The following LRRIQ3 variants were observed in gnomAD, a reference collection of about 807,000 sequenced individuals.
LRRIQ3 encodes the protein leucine rich repeats and IQ motif containing 3, also known as leucine-rich repeat and IQ domain-containing protein 3.
LRRIQ3 carries 75 observed loss-of-function variants against 59.3 expected under a neutral mutation model. That is an observed-to-expected ratio of 1.26 (90% CI 1.05 to 1.53). The LOEUF is 1.53. LRRIQ3 is among the 40% of genes most tolerant of loss of function. LRRIQ3 has a pLI of 0.00. For synonymous variants in LRRIQ3, 250 were observed against 231.3 expected (o/e 1.08, Z -0.73); for missense variants, 831 against 710.0 (o/e 1.17, Z -1.94).
chr1:74,046,775 A>G (rs764608506), intron 6 of LRRIQ3, among the ~76,000 whole-genome samples: 5 of 152,226 alleles, frequency 3.3e-5, no homozygotes, highest in Non-Finnish European at 7.3e-5. Context: ...CAAACCCATC[A>G]AAAAGTGGGC....
At chr1:74,169,680 T>C (rs1649203365) in intron 3 of LRRIQ3, among the ~76,000 whole-genome samples, 3 of 152,010 alleles carry the variant, frequency 2.0e-5, no homozygotes, top group African/African-American at 7.2e-5. Context: ...GCCTCCCAAA[T>C]AGCTGAGACT....
intron 1 of LRRIQ3, among the ~76,000 whole-genome samples, chr1:74,194,826 C>G (rs1036978298): frequency 2.6e-5 from 4 of 152,136 alleles, no homozygotes; most frequent in African/African-American, 7.2e-5. Flanking sequence ...GCCATTAATA[C>G]CTTTTTCTTA....
chr1:74,101,871 G>A (rs192925538), intron 5 of LRRIQ3, among the ~76,000 whole-genome samples: 80 of 152,108 alleles, frequency 5.3e-4, no homozygotes, highest in African/African-American at 1.8e-3. Flanking sequence ...AGAACACTTG[G>A]ACACAGGAAG....
intron 6 of LRRIQ3, among the ~76,000 whole-genome samples, chr1:74,062,656 T>C (rs1654753291): frequency 6.6e-6 from 1 of 152,038 alleles, no homozygotes. Flanking sequence ...CATGCAGCCA[T>C]GAAAAAGAAT....
At chr1:74,112,798 C>G (rs879036551) in intron 4 of LRRIQ3, among the ~76,000 whole-genome samples, 23 of 152,134 alleles carry the variant, frequency 1.5e-4, no homozygotes, top group South Asian at 1.2e-3. Context: ...AATAGTCCAG[C>G]CAAATTATTA....
At chr1:74,185,615 T>C (rs1230987098) in intron 1 of LRRIQ3, among the ~76,000 whole-genome samples, 1 of 152,176 alleles carries the variant, frequency 6.6e-6, no homozygotes, top group Non-Finnish European at 1.5e-5. Context: ...ATTTTCTTAA[T>C]TTTCATTTCA....
At chr1:74,031,791 A>G (rs1653727273) in intron 7 of LRRIQ3, among the ~76,000 whole-genome samples, 1 of 152,086 alleles carries the variant, frequency 6.6e-6, no homozygotes, top group Non-Finnish European at 1.5e-5. Flanking sequence ...GTCTTAGAGA[A>G]TGAGAAATAT....
chr1:74,168,893 T>C (rs1217755836), intron 3 of LRRIQ3, among the ~76,000 whole-genome samples: 1 of 152,148 alleles, frequency 6.6e-6, no homozygotes, highest in Non-Finnish European at 1.5e-5. Flanking sequence ...GGTTGTCTTG[T>C]GTCATTTTTA....
intron 3 of LRRIQ3, among the ~76,000 whole-genome samples, chr1:74,166,760 T>G (rs1448652289): frequency 1.3e-5 from 2 of 151,712 alleles, no homozygotes; most frequent in Non-Finnish European, 3.0e-5. Flanking sequence ...ATTTCTTTAT[T>G]TCTTTTACAC....
intron 5 of LRRIQ3, among the ~76,000 whole-genome samples, chr1:74,098,554 C>G (rs1312429379): frequency 6.6e-6 from 1 of 152,078 alleles, no homozygotes; most frequent in East Asian, 1.9e-4. Flanking sequence ...CCAAGCAGAC[C>G]TAATAGACAT....
chr1:74,169,617 T>C (rs1649200505), intron 3 of LRRIQ3, among the ~76,000 whole-genome samples: 2 of 152,170 alleles, frequency 1.3e-5, no homozygotes, highest in South Asian at 4.1e-4. Flanking sequence ...ACTGGCAAAA[T>C]TGTAGCTCAT....
chr1:74,170,092 A>C (rs992587654), intron 3 of LRRIQ3, among the ~76,000 whole-genome samples: 2 of 152,150 alleles, frequency 1.3e-5, no homozygotes, highest in Non-Finnish European at 2.9e-5. Context: ...TCATTAAATA[A>C]ATGATTTGCC....
At chr1:74,099,323 C>T (rs556695854) in intron 5 of LRRIQ3, among the ~76,000 whole-genome samples, 34 of 152,206 alleles carry the variant, frequency 2.2e-4, no homozygotes, top group African/African-American at 7.9e-4. Context: ...GGATAAATTC[C>T]TCGACCCATA....
chr1:74,126,734 TA>T (rs904431237), intron 4 of LRRIQ3, among the ~76,000 whole-genome samples: 3 of 151,938 alleles, frequency 2.0e-5, no homozygotes, highest in African/African-American at 7.2e-5. Flanking sequence ...TTTCAATTAT[TA>T]AAAAAATTTT....
chr1:74,054,908 AAAT>A, intron 6 of LRRIQ3, among the ~76,000 whole-genome samples: 1 of 147,604 alleles, frequency 6.8e-6, no homozygotes, highest in East Asian at 1.9e-4. Context: ...TTACAACTAT[AAAT>A]TATATAAAAT....
chr1:74,048,909 G>A lies in LRRIQ3; in HGVS notation c.998-6976C>T, dbSNP rs897956932. Among the ~76,000 whole-genome samples, 4 of 152,116 alleles carry A rather than the reference G, an allele frequency of 2.6e-5. No individual in the cohort carries two copies. In the South Asian group the frequency reaches 8.3e-4, roughly 31 times the overall value. ...CCCAGGGCTCATGAAACTTCTAGTG[G>A]AGAAGATGGATAACAAATTTATAAA... is the stretch of plus-strand genomic sequence containing the variant. On this transcript the variant is annotated intron_variant, in intron 6 of 7. Coordinates refer to ENST00000354431, the MANE Select transcript of LRRIQ3 (RefSeq NM_001105659.2).
At position 74,041,493 on chromosome 1, in the gene LRRIQ3, G is replaced by A; in HGVS notation, c.1438C>T (p.Gln480Ter). ...TGCCAAACTTGTCGTAAACTGTTCT[G>A]AATTGTCTCTTTATTTTCTTCAATT... is the stretch of plus-strand genomic sequence containing the variant. ...KLIEENKETI[Q>*]NSLRQVWQNR... The change falls in exon 7 of 8, where the codon CAG becomes TAG. Residue 480 changes from glutamine (Q) to a stop codon, truncating the protein, a stop_gained. Transcript: ENST00000354431. LOFTEE classifies it high-confidence loss of function. 3.1e-6 allele frequency: 5 copies of A among 1,612,128 alleles called. No individual in the cohort carries two copies. The highest frequency in any genetic ancestry group is 3.4e-6 in the Non-Finnish European group (4 of 1,179,532).
Position 74,160,587 on chromosome 1 carries a change from T to G in LRRIQ3, c.574-4721A>C, listed in dbSNP as rs530409035. ...ATCCTATTTATAAATATTACATGAA[T>G]GTCTACATTGTTTCTCATAACTTTA... On this transcript the variant is annotated intron_variant, in intron 3 of 7. Transcript: ENST00000354431. Among the ~76,000 whole-genome samples the G allele has an allele frequency of 4.6e-5, 7 of 152,202 alleles. No homozygotes were observed. The South Asian group carries it at 1.0e-3, about 23-fold the overall frequency.
At chr1:74,196,907 T>C (rs1032207243) in intron 1 of LRRIQ3, among the ~76,000 whole-genome samples, 1 of 152,180 alleles carries the variant, frequency 6.6e-6, no homozygotes, top group Non-Finnish European at 1.5e-5. Flanking sequence ...GAGTGATCTC[T>C]TTAAACATAA....
Sources: gnomAD v4.1 joint callset for allele counts (sites outside exome capture counted in the v4.1 genomes callset) on GRCh38, gnomAD v4.1.1 for gene constraint, MANE v1.5 for transcripts, NCBI Gene and HGNC (gene_info 2026-07-23, HGNC 2026-07-21) for gene names.